MATCAP2: variants seen among roughly 807,000 people sequenced by gnomAD.
MATCAP2 encodes putative tyrosine carboxypeptidase MATCAP2.
chr7:36,361,297 T>A, the MATCAP2 span, among the ~76,000 whole-genome samples: 1 of 152,148 alleles, frequency 6.6e-6, no homozygotes, highest in Non-Finnish European at 1.5e-5. Context: ...GAGACACTGC[T>A]CTCTAAAAGT....
chr7:36,390,094 C>T, the MATCAP2 span: 1 of 1,612,152 alleles, frequency 6.2e-7, no homozygotes. Flanking sequence ...CTCTAGGCCC[C>T]CACCCACCTT....
the MATCAP2 span, chr7:36,383,909 G>T: frequency 3.3e-5 from 53 of 1,590,924 alleles, no homozygotes; most frequent in East Asian, 4.5e-5. Context: ...CTTATGATTA[G>T]GTCTTGGCCT....
chr7:36,366,240 A>C, the MATCAP2 span, among the ~76,000 whole-genome samples: 1 of 152,160 alleles, frequency 6.6e-6, no homozygotes, highest in Non-Finnish European at 1.5e-5. Flanking sequence ...GGCCTAGAAA[A>C]TTACTCTAAT....
the MATCAP2 span, chr7:36,337,526 T>C: frequency 5.9e-5 from 9 of 152,328 alleles, no homozygotes; most frequent in African/African-American, 2.2e-4. Flanking sequence ...ATAAAGTCTG[T>C]AGTTTCTGAG....
At chr7:36,378,164 C>T in the MATCAP2 span, among the ~76,000 whole-genome samples, 22 of 152,306 alleles carry the variant, frequency 1.4e-4, 1 homozygote, top group South Asian at 4.6e-3. Flanking sequence ...GAGCTGTGAT[C>T]CTTTAGAGAA....
At chr7:36,388,461 T>C in the MATCAP2 span, among the ~76,000 whole-genome samples, 7 of 152,338 alleles carry the variant, frequency 4.6e-5, no homozygotes, top group East Asian at 1.3e-3. Context: ...GTAATGTTGA[T>C]TGACTGCTAA....
the MATCAP2 span, among the ~76,000 whole-genome samples, chr7:36,327,576 G>T: frequency 6.6e-6 from 1 of 152,118 alleles, no homozygotes; most frequent in African/African-American, 2.4e-5. Context: ...TGGCTAAATC[G>T]AAATAAAAGA....
At chr7:36,378,749 C>T in the MATCAP2 span, among the ~76,000 whole-genome samples, 1 of 152,184 alleles carries the variant, frequency 6.6e-6, no homozygotes, top group Non-Finnish European at 1.5e-5. Context: ...CTGTGGTGGG[C>T]TCCACCCAGT....
the MATCAP2 span, chr7:36,389,888 G>A: frequency 7.4e-6 from 11 of 1,487,086 alleles, no homozygotes; most frequent in South Asian, 1.3e-4. Flanking sequence ...GCCGAGAGGA[G>A]AGGACAGCTG....
At chr7:36,340,715 AT>A in the MATCAP2 span, among the ~76,000 whole-genome samples, 1 of 152,214 alleles carries the variant, frequency 6.6e-6, no homozygotes, top group African/African-American at 2.4e-5. Flanking sequence ...CCCCATCTGC[AT>A]TATAATATCC....
the MATCAP2 span, among the ~76,000 whole-genome samples, chr7:36,348,222 T>C: frequency 1.3e-5 from 2 of 152,230 alleles, no homozygotes; most frequent in Non-Finnish European, 2.9e-5. Context: ...AATGAGTTTT[T>C]CAATGCTGGT....
chr7:36,366,751 C>T, the MATCAP2 span: 3 of 1,535,154 alleles, frequency 2.0e-6, no homozygotes, highest in African/African-American at 2.7e-5. Context: ...CTCTTCCCTC[C>T]ACAGGTTTTT....
chr7:36,390,166 A>G, the MATCAP2 span: 3 of 1,558,358 alleles, frequency 1.9e-6, no homozygotes, highest in East Asian at 6.9e-5. Flanking sequence ...GCGCGTGCGC[A>G]GTGTGTGCGG....
the MATCAP2 span, among the ~76,000 whole-genome samples, chr7:36,340,891 G>T: frequency 1.3e-5 from 2 of 152,166 alleles, no homozygotes; most frequent in South Asian, 4.1e-4. Context: ...CAGATATTTT[G>T]AGTCTAATCC....
chr7:36,349,572 A>C, the MATCAP2 span, among the ~76,000 whole-genome samples: 1 of 152,136 alleles, frequency 6.6e-6, no homozygotes, highest in Non-Finnish European at 1.5e-5. Context: ...TCTCGGCTGA[A>C]TTTCTGTGTT....
At chr7:36,390,170 T>C in the MATCAP2 span, 1 of 1,540,862 alleles carries the variant, frequency 6.5e-7, no homozygotes, top group East Asian at 2.3e-5. Flanking sequence ...GTGCGCAGTG[T>C]GTGCGGGCCG....
the MATCAP2 span, among the ~76,000 whole-genome samples, chr7:36,342,782 G>A: frequency 6.6e-6 from 1 of 152,050 alleles, no homozygotes; most frequent in East Asian, 1.9e-4. Context: ...ATGCTGCCAC[G>A]CCCATCTAAT....
chr7:36,367,081 T>C, the MATCAP2 span: 1 of 1,261,044 alleles, frequency 7.9e-7, no homozygotes, highest in Non-Finnish European at 9.9e-7. Flanking sequence ...TGGAGCAGGA[T>C]AAGGAGGGTA....
At chr7:36,335,731 CTAATT>C in the MATCAP2 span, among the ~76,000 whole-genome samples, 3 of 152,162 alleles carry the variant, frequency 2.0e-5, no homozygotes, top group Admixed American at 2.0e-4. Context: ...ATCTGGGCGA[CTAATT>C]TAATGAGTAA....
Sources: allele counts gnomAD v4.1 joint callset (sites outside exome capture counted in the v4.1 genomes callset), GRCh38; gene constraint gnomAD v4.1.1; transcripts MANE v1.5; gene names NCBI Gene and HGNC (gene_info 2026-07-23, HGNC 2026-07-21).